ITFG2: variants seen among roughly 807,000 people sequenced by gnomAD.
ITFG2 encodes KICSTOR complex protein ITFG2.
In ITFG2, 36 loss-of-function variants were observed where a neutral mutation model predicts 54.4. The ratio of observed to expected loss-of-function variants is 0.66; its 90% CI spans 0.51 to 0.87. The LOEUF is 0.87. ITFG2 is among the 40% of genes least tolerant of loss of function. The pLI is 0.00. For synonymous variants in ITFG2, 211 were observed against 225.4 expected (o/e 0.94, Z 0.57); for missense variants, 524 against 576.7 (o/e 0.91, Z 0.94).
chr12:2,854,851 G>A, intron 2 of ITFG2: 1 of 1,493,748 alleles, frequency 6.7e-7, no homozygotes, highest in Non-Finnish European at 8.9e-7. Context: ...GGGGTCACCT[G>A]GGCAGGGCAG....
chr12:2,815,317 C>T (rs966929345), intron 1 of ITFG2, among the ~76,000 whole-genome samples: 11 of 152,172 alleles, frequency 7.2e-5, no homozygotes, highest in Admixed American at 2.6e-4. Flanking sequence ...AAGCAGTTTG[C>T]GGAAGTGGGG....
downstream of ITFG2, among the ~76,000 whole-genome samples, chr12:2,829,229 C>T (rs1603484046): frequency 6.6e-6 from 1 of 152,140 alleles, no homozygotes; most frequent in Non-Finnish European, 1.5e-5. Flanking sequence ...TGTTAGGAAA[C>T]TCAGATATGA....
intron 1 of ITFG2, among the ~76,000 whole-genome samples, chr12:2,837,188 C>G (rs577937680): frequency 2.0e-4 from 30 of 152,100 alleles, no homozygotes; most frequent in African/African-American, 5.8e-4. Flanking sequence ...AAAAAATTAG[C>G]TGGGCATGGC....
chr12:2,858,485 G>T, intron 3 of ITFG2: 1 of 639,734 alleles, frequency 1.6e-6, no homozygotes, highest in Non-Finnish European at 2.7e-6. Flanking sequence ...AGTGGCTAGG[G>T]TGTGACTGCT....
In ITFG2 at chr12:2,817,969, C is replaced by T; in HGVS notation, c.234+19C>T. The T allele has an allele frequency of 6.2e-7, 1 of 1,613,072 alleles. No homozygotes were observed. The highest frequency in any genetic ancestry group is 8.5e-7 in the Non-Finnish European group (1 of 1,179,522). ...AGGAAAGGTAAGAACTATAGGGGAC[C>T]TTCCTTGGTTCTTAGCTCACAGTGG... is the stretch of plus-strand genomic sequence containing the variant. On this transcript the variant is annotated intron_variant, in intron 3 of 11. Coordinates refer to ENST00000228799, the MANE Select transcript of ITFG2 (RefSeq NM_018463.4).
At chr12:2,856,418 T>C (rs1398184054) in intron 2 of ITFG2, among the ~76,000 whole-genome samples, 1 of 152,164 alleles carries the variant, frequency 6.6e-6, no homozygotes, top group Non-Finnish European at 1.5e-5. Context: ...AGGCTGGAGG[T>C]GCAATGGTGC....
chr12:2,842,550 A>G (rs965816846), intron 2 of ITFG2, among the ~76,000 whole-genome samples: 3 of 152,126 alleles, frequency 2.0e-5, no homozygotes, highest in African/African-American at 7.2e-5. Flanking sequence ...AGTGTGGGCA[A>G]CATAGTGAGA....
At chr12:2,854,946 T>C (rs1433118129) in intron 2 of ITFG2, 2 of 1,535,396 alleles carry the variant, frequency 1.3e-6, no homozygotes, top group East Asian at 4.9e-5. Context: ...CGAGTGGGGG[T>C]GCTCTTGCCT....
chr12:2,856,807 A>C (rs1344470134), intron 2 of ITFG2: 2 of 626,010 alleles, frequency 3.2e-6, no homozygotes, highest in East Asian at 5.5e-5. Flanking sequence ...CTGGGTTCCT[A>C]GTGTCATAGG....
chr12:2,828,034 C>T (rs2097977875), downstream of ITFG2: 2 of 1,613,634 alleles, frequency 1.2e-6, no homozygotes, highest in Non-Finnish European at 1.7e-6. Context: ...GCTTTTAGGA[C>T]CCTTTTCTCT....
intron 2 of ITFG2, among the ~76,000 whole-genome samples, chr12:2,847,285 C>G (rs1462531698): frequency 2.6e-5 from 4 of 152,170 alleles, no homozygotes; most frequent in African/African-American, 9.7e-5. Context: ...GGTCCCTTCC[C>G]AATGTTGTGC....
rs187685150 is a variant in ITFG2 at position 2,843,933 on chromosome 12, G to A, written n.300+2938G>A. Among the ~76,000 whole-genome samples the A allele has an allele frequency of 2.2e-4, 32 of 148,670 alleles. 5 individuals are homozygous for A. The East Asian group carries it at 7.1e-3, about 33-fold the overall frequency. ...GAAATAACACATAATCTGTAGAGTT[G>A]GTGCGAAGTTTGAATGAGACAGAAT... On this transcript the variant is annotated intron_variant and non_coding_transcript_variant, in intron 2 of 3. Coordinates refer to the ITFG2 transcript ENST00000537710.
At chr12:2,849,486 C>T (rs1161429983) in intron 2 of ITFG2, 1 of 1,536,016 alleles carries the variant, frequency 6.5e-7, no homozygotes, top group Non-Finnish European at 8.7e-7. Context: ...GCTGGAGGCC[C>T]TGGGGTTCAA....
upstream of ITFG2, among the ~76,000 whole-genome samples, chr12:2,832,116 T>A (rs2098006231): frequency 6.6e-6 from 1 of 152,136 alleles, no homozygotes; most frequent in Non-Finnish European, 1.5e-5. Flanking sequence ...AAAAATGCAC[T>A]CTCATACCTA....
At chr12:2,852,617 G>A (rs1349302848) in intron 2 of ITFG2, among the ~76,000 whole-genome samples, 4 of 152,032 alleles carry the variant, frequency 2.6e-5, no homozygotes, top group East Asian at 1.9e-4. Context: ...CTCCCACTTC[G>A]GCCTCCCAAA....
downstream of ITFG2, chr12:2,827,423 C>T: frequency 6.6e-7 from 1 of 1,522,564 alleles, no homozygotes; most frequent in East Asian, 2.3e-5. This position sits in a 1 kb window ranked among gnomAD's most constrained non-coding sequence, Gnocchi z 4.0. Flanking sequence ...CCCCCATCCC[C>T]ATTTCCCTAG....
chr12:2,834,785 T>A, upstream of ITFG2: 1 of 1,613,680 alleles, frequency 6.2e-7, no homozygotes, highest in Non-Finnish European at 8.5e-7. Flanking sequence ...TCCTGCCCCC[T>A]CGTCCTGGCT....
At chr12:2,819,897 G>A (rs111834138) in intron 4 of ITFG2, 189 bp from the exon 5 acceptor site, 71 of 574,738 alleles carry the variant, frequency 1.2e-4, no homozygotes, top group African/African-American at 8.6e-4. Context: ...TAGGAGCTGC[G>A]GAACAGATGG....
chr12:2,851,631 C>G (rs2098071269), intron 2 of ITFG2, among the ~76,000 whole-genome samples: 1 of 152,096 alleles, frequency 6.6e-6, no homozygotes, highest in Admixed American at 6.5e-5. Flanking sequence ...GCGTGAGCCA[C>G]CACGCCCGGC....
Sources: gnomAD v4.1 joint callset for allele counts (sites outside exome capture counted in the v4.1 genomes callset) on GRCh38, gnomAD v4.1.1 for gene constraint, Gnocchi (gnomAD v3.1) non-coding constraint, MANE v1.5 for transcripts, NCBI Gene and HGNC (gene_info 2026-07-23, HGNC 2026-07-21) for gene names.